Variants in CPNE4 observed in about 807,000 individuals in gnomAD.
The protein encoded by CPNE4 is copine 4.
In CPNE4, 25 loss-of-function variants were observed where a neutral mutation model predicts 67.9. That is an observed-to-expected ratio of 0.37 (90% CI 0.27 to 0.51). The LOEUF is 0.51. Among genes scored for constraint, CPNE4 ranks in the 20% least tolerant of loss-of-function variants. The probability of loss-of-function intolerance (pLI) is 0.93; values close to 1 mark genes in which losing one functional copy is unlikely to be tolerated. For synonymous variants in CPNE4, 242 were observed against 244.9 expected (o/e 0.99, Z 0.11); for missense variants, 464 against 690.8 (o/e 0.67, Z 3.68).
chr3:131,868,849 A>G (rs1200411730), intron 2 of CPNE4, among the ~76,000 whole-genome samples: 2 of 152,142 alleles, frequency 1.3e-5, no homozygotes, highest in African/African-American at 4.8e-5. Context: ...AAACATTCCT[A>G]TGACAAATTA....
intron 1 of CPNE4, among the ~76,000 whole-genome samples, chr3:132,015,585 A>C (rs9864905): frequency 0.12 from 18,307 of 152,140 alleles, 1,210 homozygotes; most frequent in African/African-American, 0.16. Context: ...TTCAATAATC[A>C]GTCAAAACGT....
intron 2 of CPNE4, among the ~76,000 whole-genome samples, chr3:131,799,592 G>A (rs943731062): frequency 5.9e-5 from 9 of 151,834 alleles, no homozygotes; most frequent in African/African-American, 2.2e-4. Flanking sequence ...ATTCTTTCAC[G>A]ACCTCCTCCC....
intron 2 of CPNE4, among the ~76,000 whole-genome samples, chr3:131,729,585 A>G (rs2107758172): frequency 6.6e-6 from 1 of 152,352 alleles, no homozygotes; most frequent in South Asian, 2.1e-4. Context: ...AGAGAGAGAT[A>G]GGTTGGTGCT....
At chr3:131,599,714 T>C (rs1329255938) in intron 7 of CPNE4, among the ~76,000 whole-genome samples, 1 of 152,148 alleles carries the variant, frequency 6.6e-6, no homozygotes, top group East Asian at 1.9e-4. Context: ...GAGTATCTTC[T>C]GATGGACTCA....
intron 2 of CPNE4, among the ~76,000 whole-genome samples, chr3:131,828,021 A>G (rs1404986356): frequency 6.6e-6 from 1 of 152,012 alleles, no homozygotes; most frequent in Non-Finnish European, 1.5e-5. Context: ...AACAGAAGAA[A>G]CAATTTAAAA....
At chr3:131,769,669 A>G (rs2083114452) in intron 2 of CPNE4, among the ~76,000 whole-genome samples, 1 of 152,006 alleles carries the variant, frequency 6.6e-6, no homozygotes, top group African/African-American at 2.4e-5. Flanking sequence ...CTTCATTCCT[A>G]TTTGCTTACT....
chr3:131,772,632 A>C (rs185979684), intron 2 of CPNE4, among the ~76,000 whole-genome samples: 3 of 152,286 alleles, frequency 2.0e-5, no homozygotes, highest in African/African-American at 7.2e-5. Context: ...TGAAATACAG[A>C]TGGCCTGGTA....
rs941635742 is a variant in CPNE4 at position 131,856,405 on chromosome 3, G to A, written c.180+48859C>T. On this transcript the variant is annotated intron_variant, in intron 2 of 15. Transcript: ENST00000429747. ...AATCTGGCTAGTCATCTCTTTCATAGGGATCACATACTCACTCCGTCAAAG... is the reference window on the plus strand; with the variant it reads ...AATCTGGCTAGTCATCTCTTTCATAAGGATCACATACTCACTCCGTCAAAG... Among the ~76,000 whole-genome samples the A allele has an allele frequency of 7.2e-5, 11 of 151,728 alleles. No homozygotes were observed. In the South Asian group the frequency reaches 1.7e-3, roughly 23 times the overall value.
intron 2 of CPNE4, among the ~76,000 whole-genome samples, chr3:131,728,256 T>G (rs368103159): frequency 3.9e-5 from 6 of 152,308 alleles, no homozygotes; most frequent in African/African-American, 1.4e-4. Context: ...GCACTCTGTT[T>G]TCATTCTTAT....
At chr3:131,701,173 A>G (rs938288554) in intron 3 of CPNE4, among the ~76,000 whole-genome samples, 2 of 151,950 alleles carry the variant, frequency 1.3e-5, no homozygotes, top group Non-Finnish European at 2.9e-5. Flanking sequence ...CAGCACATCA[A>G]CATGGCACAT....
intron 1 of CPNE4, among the ~76,000 whole-genome samples, chr3:131,921,343 C>T (rs952759922): frequency 6.6e-6 from 1 of 152,152 alleles, no homozygotes; most frequent in African/African-American, 2.4e-5. Flanking sequence ...AAGAGATGTT[C>T]ATAGTCATAG....
chr3:131,771,245 T>G (rs1197836682), intron 2 of CPNE4, among the ~76,000 whole-genome samples: 5 of 152,182 alleles, frequency 3.3e-5, no homozygotes, highest in Admixed American at 6.5e-5. Flanking sequence ...CTATTTGTTT[T>G]AGATGGAGTC....
chr3:131,941,130 G>A (rs986098744), intron 1 of CPNE4, among the ~76,000 whole-genome samples: 10 of 151,934 alleles, frequency 6.6e-5, no homozygotes, highest in Admixed American at 3.3e-4. Flanking sequence ...GCTGGCTTGC[G>A]CTAGCTCCAA....
rs1938348854 is a variant in CPNE4, at chr3:131,588,766, CT to C, written c.682-1185del. ...ACTGGGCATCATTCCTGATATTCCT[CT>C]TTCCACTCACCCTCCCACATCAGGT... On this transcript the variant is annotated intron_variant, in intron 7 of 15. Transcript: ENST00000429747. Among the ~76,000 whole-genome samples, 6 of 152,284 alleles carry C rather than the reference CT, an allele frequency of 3.9e-5. No homozygotes were observed. The South Asian group carries it at 1.2e-3, about 32-fold the overall frequency.
chr3:131,648,010 C>T (rs2079709760), intron 7 of CPNE4, among the ~76,000 whole-genome samples: 1 of 152,158 alleles, frequency 6.6e-6, no homozygotes, highest in African/African-American at 2.4e-5. Flanking sequence ...TATCATTTTT[C>T]TCCCCCATCC....
intron 1 of CPNE4, among the ~76,000 whole-genome samples, chr3:132,025,261 A>G (rs1330727185): frequency 6.6e-6 from 1 of 152,204 alleles, no homozygotes; most frequent in East Asian, 1.9e-4. Flanking sequence ...AGTCAAATAC[A>G]ATAAATTTCT....
intron 2 of CPNE4, among the ~76,000 whole-genome samples, chr3:131,768,631 A>G (rs1332692976): frequency 6.6e-6 from 1 of 152,164 alleles, no homozygotes; most frequent in African/African-American, 2.4e-5. Flanking sequence ...GCAGGATGGG[A>G]ATGGCTCCCT....
intron 2 of CPNE4, among the ~76,000 whole-genome samples, chr3:131,902,869 G>GA (rs200751982): frequency 5.3e-5 from 8 of 151,578 alleles, no homozygotes; most frequent in South Asian, 2.1e-4. Context: ...ATTTAGAAGG[G>GA]AAAAAAAAGA....
At chr3:131,588,846 C>T (rs1938353416) in intron 7 of CPNE4, among the ~76,000 whole-genome samples, 1 of 152,162 alleles carries the variant, frequency 6.6e-6, no homozygotes, top group Non-Finnish European at 1.5e-5. Flanking sequence ...CTGTCTATTC[C>T]TACTGCTCCT....
Sources: gnomAD v4.1 joint callset for allele counts (sites outside exome capture counted in the v4.1 genomes callset) on GRCh38, gnomAD v4.1.1 for gene constraint, MANE v1.5 for transcripts, NCBI Gene and HGNC (gene_info 2026-07-23, HGNC 2026-07-21) for gene names.